PELI2: variants seen among roughly 807,000 people sequenced by gnomAD.
PELI2 encodes the protein E3 ubiquitin-protein ligase pellino homolog 2.
Under a neutral mutation model 42.3 loss-of-function variants are expected in PELI2, and 23 were observed. The observed-to-expected ratio is 0.54, with a 90% CI of 0.39 to 0.77. PELI2 has a LOEUF of 0.77. PELI2 is among the 30% of genes least tolerant of loss of function. The pLI is 0.00. For synonymous variants in PELI2, 245 were observed against 212.2 expected (o/e 1.15, Z -1.34); for missense variants, 463 against 553.2 (o/e 0.84, Z 1.64).
At chr14:56,139,448 C>T (rs965034504) in intron 1 of PELI2, among the ~76,000 whole-genome samples, 1 of 152,080 alleles carries the variant, frequency 6.6e-6, no homozygotes, top group African/African-American at 2.4e-5. Flanking sequence ...TTTTGTTGCG[C>T]TATGACAGTT....
chr14:56,258,457 C>A (rs551631125), intron 2 of PELI2, among the ~76,000 whole-genome samples: 1 of 152,174 alleles, frequency 6.6e-6, no homozygotes, highest in East Asian at 1.9e-4. Flanking sequence ...GTTAAAATAG[C>A]TGTTACAAAT....
chr14:56,265,500 T>A (rs1457936231), intron 2 of PELI2, among the ~76,000 whole-genome samples: 2 of 152,090 alleles, frequency 1.3e-5, no homozygotes, highest in Non-Finnish European at 2.9e-5. Flanking sequence ...AATATAAAAC[T>A]TCTAAGAGAA....
intron 2 of PELI2, among the ~76,000 whole-genome samples, chr14:56,233,240 T>C (rs1194958528): frequency 6.6e-6 from 1 of 152,128 alleles, no homozygotes; most frequent in African/African-American, 2.4e-5. Context: ...CTTCACAGAA[T>C]TGGAAAAAAC....
At chr14:56,191,751 A>C (rs1885955547) in intron 2 of PELI2, among the ~76,000 whole-genome samples, 1 of 152,220 alleles carries the variant, frequency 6.6e-6, no homozygotes. Context: ...AATTTTGAGA[A>C]CTTTGTACTT....
At chr14:56,162,999 G>A (rs1219091999) in intron 1 of PELI2, among the ~76,000 whole-genome samples, 2 of 151,722 alleles carry the variant, frequency 1.3e-5, no homozygotes, top group African/African-American at 4.8e-5. Flanking sequence ...TTAATCCCTT[G>A]TCAAAGAATA....
At chr14:56,293,154 G>GT (rs2139903697) in intron 5 of PELI2, among the ~76,000 whole-genome samples, 1 of 152,278 alleles carries the variant, frequency 6.6e-6, no homozygotes, top group South Asian at 2.1e-4. Flanking sequence ...GCTTTAAAAG[G>GT]TTAAGTCACT....
intron 2 of PELI2, among the ~76,000 whole-genome samples, chr14:56,245,232 T>C (rs1265157553): frequency 6.6e-6 from 1 of 152,222 alleles, no homozygotes; most frequent in African/African-American, 2.4e-5. Flanking sequence ...ACTGCAACAG[T>C]TACCAACAGT....
At chr14:56,160,945 T>G (rs1394498347) in intron 1 of PELI2, among the ~76,000 whole-genome samples, 1 of 152,200 alleles carries the variant, frequency 6.6e-6, no homozygotes, top group East Asian at 1.9e-4. Context: ...TGCCGTTATT[T>G]TCACACAAAT....
chr14:56,275,572 A>G (rs1173271796), intron 2 of PELI2, among the ~76,000 whole-genome samples: 1 of 152,202 alleles, frequency 6.6e-6, no homozygotes, highest in Non-Finnish European at 1.5e-5. Flanking sequence ...GATCCCTCAC[A>G]TGCGCATTCA....
intron 2 of PELI2, among the ~76,000 whole-genome samples, chr14:56,206,157 A>G (rs1307535773): frequency 6.6e-6 from 1 of 152,194 alleles, no homozygotes; most frequent in Non-Finnish European, 1.5e-5. Context: ...ATTAGAACAA[A>G]TGGTAACTTC....
At chr14:56,239,819 C>G (rs1180113151) in intron 2 of PELI2, among the ~76,000 whole-genome samples, 1 of 152,090 alleles carries the variant, frequency 6.6e-6, no homozygotes, top group Non-Finnish European at 1.5e-5. Flanking sequence ...TGTTGTGTGA[C>G]TTTCAGCAAA....
rs568163364 is a variant in PELI2 at position 56,132,477 on chromosome 14, C to T, written c.77+13740C>T. Among the ~76,000 whole-genome samples the T allele has an allele frequency of 2.6e-4, 39 of 152,268 alleles. 1 individual carries two copies. In the East Asian group the frequency reaches 3.7e-3, roughly 14 times the overall value. On this transcript the variant is annotated intron_variant, in intron 1 of 5. Coordinates refer to ENST00000267460, the MANE Select transcript of PELI2 (RefSeq NM_021255.3). Reference sequence around the variant, plus strand: ...GGAGAGTTCCCTGTGGGACTCCTGTCGTGGGGTGGATAGCTGTGTAGGCGG... The same window carrying T: ...GGAGAGTTCCCTGTGGGACTCCTGTTGTGGGGTGGATAGCTGTGTAGGCGG...
intron 2 of PELI2, among the ~76,000 whole-genome samples, chr14:56,244,805 A>G (rs1384891104): frequency 5.3e-5 from 8 of 152,260 alleles, no homozygotes; most frequent in African/African-American, 1.7e-4. Context: ...TGATATGAGT[A>G]AAGACCATGT....
At chr14:56,155,667 C>T (rs547021296) in intron 1 of PELI2, among the ~76,000 whole-genome samples, 13 of 151,946 alleles carry the variant, frequency 8.6e-5, no homozygotes, top group South Asian at 2.1e-4. Context: ...CTGCAACCTC[C>T]GCCTCCCGGG....
chr14:56,175,372 A>G (rs1208595831), intron 1 of PELI2, among the ~76,000 whole-genome samples: 1 of 152,212 alleles, frequency 6.6e-6, no homozygotes, highest in Non-Finnish European at 1.5e-5. Context: ...TTGTGCTATA[A>G]GTGCATCTTG....
intron 2 of PELI2, among the ~76,000 whole-genome samples, chr14:56,187,705 A>G (rs1309574775): frequency 1.3e-5 from 2 of 152,138 alleles, no homozygotes; most frequent in African/African-American, 4.8e-5. Flanking sequence ...TCACAGAGAT[A>G]CCTATTTATA....
At chr14:56,163,429 T>C (rs1884838875) in intron 1 of PELI2, among the ~76,000 whole-genome samples, 2 of 152,156 alleles carry the variant, frequency 1.3e-5, no homozygotes, top group South Asian at 4.2e-4. Context: ...TCCATTGGTC[T>C]ATGTGTCTAT....
intron 2 of PELI2, among the ~76,000 whole-genome samples, chr14:56,198,452 A>G (rs1886219037): frequency 6.6e-6 from 1 of 152,216 alleles, no homozygotes; most frequent in South Asian, 2.1e-4. Context: ...CCTAAGGCAG[A>G]CTGGAGTAGC....
At position 56,296,879 on chromosome 14, in the gene PELI2, A is replaced by G; in HGVS notation, c.976A>G (p.Ser326Gly). The G allele has an allele frequency of 3.7e-6, 6 of 1,614,114 alleles. No individual in the cohort carries two copies. Among genetic ancestry groups the G allele is most frequent in the South Asian group, 1.1e-5 (1 of 91,080 alleles). ...CGGGTACCACAACTGGGGCCATCGG[A>G]GTGACACGGAGGCCAACGAGAGGGA... ...VHGYHNWGHR[S>G]DTEANERECP... The change falls in exon 6 of 6, where the codon AGT becomes GGT. Residue 326 changes from serine to glycine, a missense_variant. Transcript: ENST00000267460.
Sources: allele counts gnomAD v4.1 joint callset (sites outside exome capture counted in the v4.1 genomes callset), GRCh38; gene constraint gnomAD v4.1.1; transcripts MANE v1.5; gene names NCBI Gene and HGNC (gene_info 2026-07-23, HGNC 2026-07-21).